Variants in AMOT observed in about 807,000 individuals in gnomAD.
The protein encoded by AMOT is angiomotin.
Under a neutral mutation model 67.0 loss-of-function variants are expected in AMOT, and 11 were observed. The observed-to-expected ratio is 0.16, with a 90% confidence interval of 0.10 to 0.27. AMOT has a LOEUF of 0.27. AMOT is among the 10% of genes least tolerant of loss of function. The pLI is 1.00. For missense variants in AMOT, 753 were observed against 852.0 expected, an observed-to-expected ratio of 0.88 and a Z score of 1.45; for synonymous variants, 326 against 321.4, an observed-to-expected ratio of 1.01 and a Z score of -0.15.
chrX:112,830,994 A>G (rs1934971864), intron 2 of AMOT, among the ~76,000 whole-genome samples: 1 of 110,968 alleles, frequency 9.0e-6, no homozygotes, highest in Non-Finnish European at 1.9e-5. Flanking sequence ...GGCATGATCA[A>G]TGAGCCTGTG....
chrX:112,834,183 A>G (rs1410955928), intron 1 of AMOT, among the ~76,000 whole-genome samples: 1 of 111,667 alleles, frequency 9.0e-6, no homozygotes, highest in Non-Finnish European at 1.9e-5. Flanking sequence ...AAATATTCCA[A>G]GTATGCACCA....
intron 7 of AMOT, among the ~76,000 whole-genome samples, chrX:112,808,850 CA>C (rs1391220566): frequency 8.9e-6 from 1 of 111,994 alleles, no homozygotes; most frequent in Admixed American, 9.5e-5. Flanking sequence ...AGAAAAACTA[CA>C]TTCCTTACTC....
At chrX:112,791,765 A>C in intron 9 of AMOT, 67 bp downstream of exon 9, 1 of 1,164,591 alleles carries the variant, frequency 8.6e-7, no homozygotes, top group Non-Finnish European at 1.2e-6. Context: ...TAACTGAAAA[A>C]TAAGCAACCA....
intron 5 of AMOT, among the ~76,000 whole-genome samples, chrX:112,814,322 G>A (rs1013924331): frequency 2.6e-4 from 29 of 110,142 alleles, no homozygotes; most frequent in African/African-American, 9.6e-4. Context: ...CTGATAATAA[G>A]CCCCTGTCTC....
rs1283560607 is a variant in AMOT, at chrX:112,833,480, G to C, written c.-288-1110C>G. ...AGACAGAATGTTCCTGGGAGTAAAG[G>C]GGGGGGGGGGGTCATCAAAATTTTC... On this transcript the variant is annotated intron_variant, in intron 1 of 13. Coordinates refer to ENST00000371959, the MANE Select transcript of AMOT (RefSeq NM_001113490.2). Among the ~76,000 whole-genome samples the C allele has an allele frequency of 2.2e-4, 12 of 53,555 alleles. No homozygotes were observed. The East Asian group carries it at 2.7e-3, about 12-fold the overall frequency. 46.5% of individuals were successfully genotyped at this position (53,555 alleles called of 115,157 possible).
intron 1 of AMOT, among the ~76,000 whole-genome samples, chrX:112,838,819 G>A (rs1375118576): frequency 8.9e-6 from 1 of 112,270 alleles, no homozygotes; most frequent in Non-Finnish European, 1.9e-5. Flanking sequence ...ACAAAGCCAC[G>A]AACTTTTCCA....
chrX:112,805,230 C>A, intron 7 of AMOT, 138 bp from the exon 8 acceptor site: 1 of 695,543 alleles, frequency 1.4e-6, no homozygotes. Context: ...TACCCAAGAT[C>A]TGGACTCTAT....
rs1602766200 is a variant in AMOT, at chrX:112,792,097, C to T, written c.1777-116G>A. 4.5e-6 allele frequency: 4 copies of T among 898,403 alleles called. No homozygotes were observed. In the East Asian group the frequency reaches 1.3e-4, roughly 29 times the overall value. The allele number at this position is 898,403 out of a possible 1,213,427, so 74.0% of individuals were successfully genotyped here. A position where few individuals can be genotyped will look rare whatever the true frequency, so the allele number is the denominator to read the frequency against. On this transcript the variant is annotated intron_variant, in intron 8 of 13. Coordinates refer to ENST00000371959, the MANE Select transcript of AMOT (RefSeq NM_001113490.2). ...TTAGATCTCTTCTTGTTTTAGAGTC[C>T]AGCTGCAAAAAGGAATGGATGGCGA...
intron 6 of AMOT, among the ~76,000 whole-genome samples, chrX:112,810,828 T>C (rs1934338953): frequency 8.9e-6 from 1 of 111,795 alleles, no homozygotes; most frequent in Non-Finnish European, 1.9e-5. Context: ...GTCTTCAATA[T>C]TATCAGGTGA....
At chrX:112,799,153 G>T (rs1348454717) in intron 8 of AMOT, among the ~76,000 whole-genome samples, 1 of 112,233 alleles carries the variant, frequency 8.9e-6, no homozygotes, top group African/African-American at 3.2e-5. Flanking sequence ...AGAGATCTGG[G>T]TTTTCTCCTA....
At chrX:112,797,729 C>T (rs1312671607) in intron 8 of AMOT, among the ~76,000 whole-genome samples, 1 of 110,171 alleles carries the variant, frequency 9.1e-6, no homozygotes, top group East Asian at 2.9e-4. Flanking sequence ...TAAAGTGAGC[C>T]GCGATCGCGC....
chrX:112,835,139 T>C (rs1232550856), intron 1 of AMOT, among the ~76,000 whole-genome samples: 1 of 93,434 alleles, frequency 1.1e-5, no homozygotes, highest in Admixed American at 1.3e-4. Flanking sequence ...ATGTGCCCAA[T>C]ATGAAGCATG....
intron 2 of AMOT, among the ~76,000 whole-genome samples, chrX:112,827,309 T>G (rs750611170): frequency 5.6e-4 from 63 of 112,899 alleles, no homozygotes; most frequent in Middle Eastern, 4.6e-3. Context: ...TCCAGTTTAC[T>G]ATTTTTTTCT....
At position 112,778,652 on chromosome X, in the gene AMOT, A is replaced by G. The variant is rs1442544030; in HGVS notation, c.3170T>C (p.Phe1057Ser). Reference protein sequence around the residue: ...CNPDKTDGPVFHSNTLERKTP... With the variant: ...CNPDKTDGPVSHSNTLERKTP... The stretch of plus-strand genomic sequence containing the variant: ...TTTTCTTTCCAGAGTATTGGAGTGG[A>G]ACACAGGCCCATCTAAATGGAAATA... The change falls in exon 14 of 14, where the codon TTC (phenylalanine) becomes TCC (serine). Residue 1057 changes from phenylalanine to serine, a missense_variant. Physicochemically the swap from Phe to Ser is radical, Grantham distance 155. Coordinates refer to ENST00000371959, the MANE Select transcript of AMOT (RefSeq NM_001113490.2). The G allele has an allele frequency of 1.7e-6, 2 of 1,194,593 alleles. No individual in the cohort carries two copies. The highest frequency in any genetic ancestry group is 1.9e-5 in the South Asian group (1 of 53,450).
At chrX:112,784,301 A>G (rs1407338374) in intron 10 of AMOT, among the ~76,000 whole-genome samples, 1 of 112,337 alleles carries the variant, frequency 8.9e-6, no homozygotes, top group Non-Finnish European at 1.9e-5. Context: ...TCTGCCCCTA[A>G]CAAGCTTTAT....
chrX:112,793,877 C>T lies in AMOT; in HGVS notation c.1777-1896G>A, dbSNP rs192173782. On this transcript the variant is annotated intron_variant, in intron 8 of 13. Coordinates refer to ENST00000371959, the MANE Select transcript of AMOT (RefSeq NM_001113490.2). ...CTGTTTATAACAACACTGACTAGGGCAACCAAAACTTTTGCCTCTGCCTTC... is the reference window on the plus strand; with the variant it reads ...CTGTTTATAACAACACTGACTAGGGTAACCAAAACTTTTGCCTCTGCCTTC... Among the ~76,000 whole-genome samples the T allele has an allele frequency of 5.8e-3, 647 of 112,191 alleles. 1 individual carries two copies. Among genetic ancestry groups the T allele is most frequent in the African/African-American group, 0.019 (595 of 30,896 alleles).
At chrX:112,782,749 G>C (rs1933236126) in intron 10 of AMOT, 87 bp from the exon 11 acceptor site, 9 of 1,082,632 alleles carry the variant, frequency 8.3e-6, no homozygotes, top group Non-Finnish European at 1.1e-5. Flanking sequence ...AGGCTTTTCT[G>C]GAAAGTCCTA....
At position 112,815,494 on chromosome X, in the gene AMOT, G is replaced by C. The variant is rs369002131; in HGVS notation, c.1256C>G (p.Ser419Cys). Residue 419 changes from serine to cysteine, a missense_variant, in exon 5 of 14, where the codon TCT (serine) becomes TGT (cysteine). Ser to Cys is a moderately radical substitution (Grantham distance 112, BLOSUM62 -1). Around this residue, in one of 5 missense-constraint regions of AMOT, gnomAD observed 297 missense variants for 284.3 expected, o/e 1.04. Coordinates refer to ENST00000371959, the MANE Select transcript of AMOT (RefSeq NM_001113490.2). ...AMPRAQPSSA[S>C]YQPVPADPFA... ...AGGGTCTGCTGGCACTGGCTGATAA[G>C]AAGCAGAGGATGGCTGAGCCCGAGG... 5 of 1,209,744 alleles carry C rather than the reference G, an allele frequency of 4.1e-6. No homozygotes were observed. The African/African-American group carries it at 8.8e-5, about 21-fold the overall frequency.
intron 8 of AMOT, among the ~76,000 whole-genome samples, chrX:112,797,474 T>C (rs1933863396): frequency 9.0e-6 from 1 of 111,367 alleles, no homozygotes; most frequent in Non-Finnish European, 1.9e-5. Context: ...CTTCCTGAAA[T>C]AGTCATTTAA....
Sources: allele counts gnomAD v4.1 joint callset (sites outside exome capture counted in the v4.1 genomes callset), GRCh38; gene constraint gnomAD v4.1.1; regional missense constraint gnomAD v4.1.1; transcripts MANE v1.5; gene names NCBI Gene and HGNC (gene_info 2026-07-23, HGNC 2026-07-21).